SHQ1: variants seen among roughly 807,000 people sequenced by gnomAD.
SHQ1 encodes protein SHQ1 homolog.
Under a neutral mutation model 53.8 loss-of-function variants are expected in SHQ1, and 49 were observed. The observed-to-expected ratio is 0.91, with a 90% CI of 0.72 to 1.16. SHQ1 has a LOEUF of 1.16. Ranked by LOEUF, SHQ1 falls within the 50% of genes most tolerant of loss-of-function variation. The pLI is 0.00. For missense variants in SHQ1, 738 were observed against 683.1 expected, an observed-to-expected ratio of 1.08 and a Z score of -0.90; for synonymous variants, 243 against 251.0, an observed-to-expected ratio of 0.97 and a Z score of 0.30.
intron 10 of SHQ1, among the ~76,000 whole-genome samples, chr3:72,769,036 G>GA (rs1207073856): frequency 1.3e-5 from 2 of 152,160 alleles, no homozygotes; most frequent in Admixed American, 1.3e-4. Context: ...AGTTTGGCAG[G>GA]AAAAAAGTGC....
chr3:72,747,786 G>A (rs1365312928), downstream of SHQ1, among the ~76,000 whole-genome samples: 2 of 152,018 alleles, frequency 1.3e-5, no homozygotes, highest in Non-Finnish European at 1.5e-5. Flanking sequence ...TCAGGAGTTC[G>A]AGACCAGCCT....
chr3:72,725,544 C>A, the SHQ1 span, among the ~76,000 whole-genome samples: 1 of 152,196 alleles, frequency 6.6e-6, no homozygotes, highest in Non-Finnish European at 1.5e-5. Context: ...CGTTTCACTT[C>A]GTCCTGCTCA....
At chr3:72,737,042 G>A in the SHQ1 span, among the ~76,000 whole-genome samples, 2 of 151,986 alleles carry the variant, frequency 1.3e-5, no homozygotes, top group East Asian at 3.9e-4. Context: ...GGCTGAGGTG[G>A]GTGGATTGCC....
intron 1 of SHQ1, chr3:72,846,411 CAAG>C: frequency 9.7e-7 from 1 of 1,035,448 alleles, no homozygotes; most frequent in Admixed American, 2.6e-5. Flanking sequence ...TCTCTCACCT[CAAG>C]CTTCCCAAGT....
intron 9 of SHQ1, among the ~76,000 whole-genome samples, chr3:72,810,845 C>T (rs1707098039): frequency 6.6e-6 from 1 of 152,142 alleles, no homozygotes; most frequent in Non-Finnish European, 1.5e-5. Flanking sequence ...CTAGCCACAA[C>T]CCAAATTAGT....
the SHQ1 span, among the ~76,000 whole-genome samples, chr3:72,739,858 G>T: frequency 2.0e-5 from 3 of 152,248 alleles, no homozygotes; most frequent in Non-Finnish European, 4.4e-5. Flanking sequence ...GCTTAAGAAG[G>T]TGTGGAGAGG....
At position 72,793,022 on chromosome 3, in the gene SHQ1, A is replaced by C; in HGVS notation, c.1075T>G (p.Leu359Val). ...KILQLGKSAV[L>V]KCLLDIHKIF... ...TTGTGAATATCCAGGAGACACTTTA[A>C]AACTGCACTTTTACCTAAAGAAAAT... The change falls in exon 10 of 11, where the codon TTA (leucine) becomes GTA (valine). Residue 359 changes from leucine to valine, a missense_variant. By Grantham distance (32) the Leu-to-Val change is conservative (BLOSUM62 1). Coordinates refer to ENST00000325599, the MANE Select transcript of SHQ1 (RefSeq NM_018130.3). 6.2e-7 allele frequency: 1 copy of C among 1,606,264 alleles called. No individual in the cohort carries two copies. Among genetic ancestry groups the C allele is most frequent in the Non-Finnish European group, 8.5e-7 (1 of 1,176,262 alleles).
At position 72,834,934 on chromosome 3, in the gene SHQ1, A is replaced by G. The variant is rs1575734909; in HGVS notation, c.487-2453T>C. On this transcript the variant is annotated intron_variant, in intron 4 of 10. Transcript: ENST00000325599. ...GGGCTTAACACAATGCACATTTATT[A>G]TCTTACAGTTCTGGAAGTCAGAAGA... 2.0e-5 allele frequency among the ~76,000 whole-genome samples: 3 copies of G among 152,118 alleles called. No individual in the cohort carries two copies. The East Asian group carries it at 5.8e-4, about 29-fold the overall frequency.
intron 9 of SHQ1, among the ~76,000 whole-genome samples, chr3:72,796,568 C>G (rs1042579619): frequency 6.6e-6 from 1 of 152,146 alleles, no homozygotes; most frequent in Non-Finnish European, 1.5e-5. Context: ...TGCCTCTAAT[C>G]CCAGCACTTT....
intron 9 of SHQ1, among the ~76,000 whole-genome samples, chr3:72,800,270 C>T (rs1310149267): frequency 6.6e-6 from 1 of 152,168 alleles, no homozygotes; most frequent in African/African-American, 2.4e-5. Context: ...AATTTATGTT[C>T]TTTATAAACT....
intron 6 of SHQ1, 63 bp from the exon 7 acceptor site, chr3:72,817,447 G>A (rs1424167804): frequency 6.9e-6 from 10 of 1,446,432 alleles, no homozygotes; most frequent in South Asian, 1.3e-5. Context: ...CCCAATGGAA[G>A]ATTTGTCAAA....
the SHQ1 span, among the ~76,000 whole-genome samples, chr3:72,726,219 C>T: frequency 2.0e-5 from 3 of 152,184 alleles, no homozygotes; most frequent in Non-Finnish European, 2.9e-5. Flanking sequence ...CAAAGACTCC[C>T]GCCCAGGGAG....
chr3:72,763,077 A>AGAGAGG (rs1705647922), intron 10 of SHQ1, among the ~76,000 whole-genome samples: 1 of 152,014 alleles, frequency 6.6e-6, no homozygotes, highest in African/African-American at 2.4e-5. Flanking sequence ...AGAGAGAGAG[A>AGAGAGG]GAGAGAGAGA....
At chr3:72,837,985 A>C (rs1708052353) in intron 4 of SHQ1, among the ~76,000 whole-genome samples, 1 of 152,252 alleles carries the variant, frequency 6.6e-6, no homozygotes, top group South Asian at 2.1e-4. Flanking sequence ...CTGCACACGC[A>C]GTGCTCAGCA....
chr3:72,797,760 C>A, intron 9 of SHQ1, among the ~76,000 whole-genome samples: 1 of 152,196 alleles, frequency 6.6e-6, no homozygotes, highest in Non-Finnish European at 1.5e-5. Context: ...ATAAAAAGTA[C>A]ATGAAAACTA....
chr3:72,818,884 G>A (rs1472125915), intron 6 of SHQ1, among the ~76,000 whole-genome samples: 1 of 152,180 alleles, frequency 6.6e-6, no homozygotes, highest in African/African-American at 2.4e-5. Flanking sequence ...CAGCAACAAA[G>A]TAGGGGCCTC....
the SHQ1 span, among the ~76,000 whole-genome samples, chr3:72,736,875 T>C: frequency 6.6e-6 from 1 of 151,452 alleles, no homozygotes; most frequent in Non-Finnish European, 1.5e-5. Flanking sequence ...ATGGCCTCAG[T>C]GCCCTGGTTT....
downstream of SHQ1, among the ~76,000 whole-genome samples, chr3:72,747,905 C>T (rs566705407): frequency 2.0e-5 from 3 of 152,090 alleles, no homozygotes; most frequent in African/African-American, 7.2e-5. Context: ...AGGAGAATCA[C>T]TTGAACCCGA....
chr3:72,829,984 G>C (rs1212085669), intron 5 of SHQ1, among the ~76,000 whole-genome samples: 7 of 152,010 alleles, frequency 4.6e-5, no homozygotes, highest in Admixed American at 4.6e-4. Context: ...TCAAGATGCT[G>C]TCAACATATT....
Sources: gnomAD v4.1 joint callset for allele counts (sites outside exome capture counted in the v4.1 genomes callset) on GRCh38, gnomAD v4.1.1 for gene constraint, MANE v1.5 for transcripts, NCBI Gene and HGNC (gene_info 2026-07-23, HGNC 2026-07-21) for gene names.